Variants in ABCA7 observed in about 807,000 individuals in gnomAD.
ABCA7 encodes ATP binding cassette subfamily A member 7, also known as phospholipid-transporting ATPase ABCA7.
Under a neutral mutation model 227.6 loss-of-function variants are expected in ABCA7, and 261 were observed. That is an observed-to-expected ratio of 1.15 (90% CI 1.04 to 1.27). The LOEUF (loss-of-function observed/expected upper bound fraction) is 1.27, where lower values mean the gene tolerates loss of function less well. ABCA7 is among the 50% of genes most tolerant of loss of function. ABCA7 has a pLI of 0.00. For synonymous variants in ABCA7, 1,488 were observed against 1,279.7 expected (o/e 1.16, Z -3.47); for missense variants, 3,331 against 2,924.5 (o/e 1.14, Z -3.21).
At position 1,048,941 on chromosome 19, in the gene ABCA7, C is replaced by T. The variant is rs1019088929; in HGVS notation, c.2316C>T (p.Ser772=). The T allele has an allele frequency of 3.1e-6, 5 of 1,609,976 alleles. No individual in the cohort carries two copies. The highest frequency in any genetic ancestry group is 1.7e-4 in the Middle Eastern group (1 of 5,974). Residue 772 remains serine, a synonymous_variant, in exon 17 of 47, where the codon AGC becomes AGT. Transcript: ENST00000263094. Reference sequence around the variant, plus strand: ...CATGGAATTTTCCTTTTCGGAGGAGCTACTGGTGCGGACCTCGGCCCCCCA... The same window carrying T: ...CATGGAATTTTCCTTTTCGGAGGAGTTACTGGTGCGGACCTCGGCCCCCCA... ...PEPWNFPFRR[S]YWCGPRPPKS...
Position 1,063,837 on chromosome 19 carries a change from C to A in ABCA7, c.5925C>A (p.Gly1975=). ...GCCTTTTGGCCGTGGTGCGGGAGGG[C>A]CGTTCAGTGATGCTCACCTCCCATA... The part of the protein sequence containing the change: ...WNSLLAVVRE[G]RSVMLTSHSM... Residue 1975 remains glycine, a synonymous_variant, in exon 44 of 47, where the codon GGC becomes GGA. Coordinates refer to ENST00000263094, the MANE Select transcript of ABCA7 (RefSeq NM_019112.4). 6.5e-7 allele frequency: 1 copy of A among 1,541,280 alleles called. No individual in the cohort carries two copies. The highest frequency in any genetic ancestry group is 8.7e-7 in the Non-Finnish European group (1 of 1,144,298).
intron 18 of ABCA7, among the ~76,000 whole-genome samples, chr19:1,050,360 C>T (rs1178262227): frequency 6.7e-6 from 1 of 148,932 alleles, no homozygotes; most frequent in Non-Finnish European, 1.5e-5. Context: ...TGCAGTGAGC[C>T]GAGACTGTGC....
chr19:1,048,342 A>G (rs1204851254), intron 16 of ABCA7, among the ~76,000 whole-genome samples: 1 of 151,466 alleles, frequency 6.6e-6, no homozygotes, highest in East Asian at 1.9e-4. Flanking sequence ...TACTAAAAAT[A>G]CAAAATTAGC....
At chr19:1,049,239 A>G (rs766267390) in intron 17 of ABCA7, 27 bp from the exon 18 acceptor site, 30 of 1,572,704 alleles carry the variant, frequency 1.9e-5, no homozygotes, top group East Asian at 2.3e-5. Context: ...CATGACCTCC[A>G]TGGCTGAGTC....
At position 1,044,568 on chromosome 19, in the gene ABCA7, G is replaced by A. The variant is rs779677941; in HGVS notation, c.1048-9G>A. ...GACCCAGACTCTCACTTTCACCTGC[G>A]CCCCCCAGCGGCTCCTGCAGATGCA... On this transcript the variant is annotated splice_polypyrimidine_tract_variant and intron_variant, in intron 10 of 46. Coordinates refer to ENST00000263094, the MANE Select transcript of ABCA7 (RefSeq NM_019112.4). The A allele has an allele frequency of 1.2e-6, 2 of 1,608,314 alleles. No individual in the cohort carries two copies. The highest frequency in any genetic ancestry group is 1.7e-6 in the Non-Finnish European group (2 of 1,177,294).
Position 1,058,938 on chromosome 19 carries a change from A to C in ABCA7, c.5398A>C (p.Lys1800Gln). ...TGTGTTGGTGCTGAGGAACTTGACC[A>C]AGGTAGGTGTGGTCAGGTCGACTGC... ...GDVLVLRNLT[K>Q]VYRGQRMPAV... is the part of the protein sequence containing the mutation. The change falls in exon 39 of 47, where the codon AAG becomes CAG. Residue 1800 changes from lysine to glutamine, a missense_variant and splice_region_variant. Coordinates refer to ENST00000263094, the MANE Select transcript of ABCA7 (RefSeq NM_019112.4). 6.2e-7 allele frequency: 1 copy of C among 1,604,228 alleles called. No homozygotes were observed. Among genetic ancestry groups the C allele is most frequent in the Admixed American group, 1.7e-5 (1 of 59,696 alleles).
At position 1,057,350 on chromosome 19, in the gene ABCA7, A is replaced by T. The variant is rs1197446582; in HGVS notation, c.4801A>T (p.Ile1601Phe). Residue 1601 changes from isoleucine to phenylalanine, a missense_variant, in exon 35 of 47, where the codon ATC (isoleucine) becomes TTC (phenylalanine). By Grantham distance (21) the Ile-to-Phe change is conservative (BLOSUM62 0). Coordinates refer to ENST00000263094, the MANE Select transcript of ABCA7 (RefSeq NM_019112.4). ...YLVPACIVVL[I>F]FLAFQQRAYV... ...GGTGCCAGCATGCATCGTGGTGCTC[A>T]TCTTTCTGGCCTTCCAGCAGAGGGC... 1.2e-6 allele frequency: 2 copies of T among 1,613,920 alleles called. No homozygotes were observed. Among genetic ancestry groups the T allele is most frequent in the Admixed American group, 3.3e-5 (2 of 60,012 alleles).
rs1465727009 is a variant in ABCA7, at chr19:1,054,120, T to C, written c.3577+10T>C. On this transcript the variant is annotated intron_variant, in intron 26 of 46. Transcript: ENST00000263094. This position sits in a 1 kb window ranked among gnomAD's most constrained non-coding sequence, Gnocchi z 4.8. ...GAGAACGGGGAACCAGGTAAGTCCT[T>C]CCCAGTGGCCCTGGGGTCCTCCCAG... 1 of 1,612,928 alleles carries C rather than the reference T, an allele frequency of 6.2e-7. No individual in the cohort carries two copies. The highest frequency in any genetic ancestry group is 8.5e-7 in the Non-Finnish European group (1 of 1,179,872).
In ABCA7 at chr19:1,059,053, G is replaced by T; in HGVS notation, c.5431G>T (p.Asp1811Tyr). 1.2e-6 allele frequency: 2 copies of T among 1,613,732 alleles called. No individual in the cohort carries two copies. Among genetic ancestry groups the T allele is most frequent in the Non-Finnish European group, 1.7e-6 (2 of 1,179,962 alleles). Reference sequence around the variant, plus strand: ...CCGTGGGCAGAGGATGCCAGCTGTTGACCGCTTGTGCCTGGGGATTCCCCC... The same window carrying T: ...CCGTGGGCAGAGGATGCCAGCTGTTTACCGCTTGTGCCTGGGGATTCCCCC... ...VYRGQRMPAV[D>Y]RLCLGIPPGE... Residue 1811 changes from aspartate (D) to tyrosine (Y), a missense_variant, in exon 40 of 47, where the codon GAC (aspartate) becomes TAC (tyrosine). Coordinates refer to ENST00000263094, the MANE Select transcript of ABCA7 (RefSeq NM_019112.4).
rs764885054 is a variant in ABCA7 at position 1,065,093 on chromosome 19, C to T, written c.6207C>T (p.Arg2069=). Residue 2069 remains arginine (R), a synonymous_variant, in exon 46 of 47, where the codon CGC becomes CGT. Coordinates refer to ENST00000263094, the MANE Select transcript of ABCA7 (RefSeq NM_019112.4). Reference sequence around the variant, plus strand: ...CGGGAGGGCGCTGCGCCCTGGCGCGCGTCTTTGGAGAGCTGGCGGTGCACG... The same window carrying T: ...CGGGAGGGCGCTGCGCCCTGGCGCGTGTCTTTGGAGAGCTGGCGGTGCACG... The part of the protein sequence containing the change: ...LPPGGRCALA[R]VFGELAVHGA... 6 of 1,578,720 alleles carry T rather than the reference C, an allele frequency of 3.8e-6. No homozygotes were observed. The South Asian group carries it at 5.7e-5, about 15-fold the overall frequency.
At chr19:1,044,974 G>T (rs2144708446) in intron 11 of ABCA7, 28 bp from the exon 12 acceptor site, 1 of 1,608,556 alleles carries the variant, frequency 6.2e-7, no homozygotes, top group Non-Finnish European at 8.5e-7. Flanking sequence ...GGACCCCAGC[G>T]CCTAGGACTC....
rs4147935 is a variant in ABCA7, at chr19:1,065,045, C to T, written c.6159C>T (p.Gly2053=). The change falls in exon 46 of 47, where the codon GGC becomes GGT. Residue 2053 remains glycine (G), a synonymous_variant. Coordinates refer to ENST00000263094, the MANE Select transcript of ABCA7 (RefSeq NM_019112.4). ...CGGAGCTGCGCGAGGCACATGGAGG[C>T]CGCCTGCGCTTCCAGCTGCCGCCGG... is the stretch of plus-strand genomic sequence containing the variant. ...PGAELREAHG[G]RLRFQLPPGG... The T allele has an allele frequency of 0.35, 538,086 of 1,556,442 alleles. 98,759 individuals carry two copies. The highest frequency in any genetic ancestry group is 0.41 in the Middle Eastern group (2,426 of 5,946).
Position 1,056,517 on chromosome 19 carries a change from G to C in ABCA7, c.4586+18G>C, listed in dbSNP as rs1240570558. The C allele has an allele frequency of 6.2e-6, 10 of 1,604,008 alleles. No homozygotes were observed. The highest frequency in any genetic ancestry group is 1.1e-5 in the South Asian group (1 of 90,468). ...GGTGCACTGTGAGTCCCTCCACCCTGCATGTCCTACCCTGCACGTCCTACC... is the reference window on the plus strand; with the variant it reads ...GGTGCACTGTGAGTCCCTCCACCCTCCATGTCCTACCCTGCACGTCCTACC... On this transcript the variant is annotated intron_variant, in intron 33 of 46. Coordinates refer to ENST00000263094, the MANE Select transcript of ABCA7 (RefSeq NM_019112.4). This position sits in a 1 kb window ranked among gnomAD's most constrained non-coding sequence, Gnocchi z 4.3.
In ABCA7 at chr19:1,056,240, C is replaced by A; in HGVS notation, c.4413C>A (p.Leu1471=). The part of the protein sequence containing the change: ...WAHSLDAQDS[L]KIWFNNKGWH... ...ACAGCCTGGATGCTCAGGACAGTCT[C>A]AAGGTGGGAACTGGGGGGGCAGGTG... Residue 1471 remains leucine, a synonymous_variant, in exon 32 of 47, where the codon CTC becomes CTA. Coordinates refer to ENST00000263094, the MANE Select transcript of ABCA7 (RefSeq NM_019112.4). The surrounding 1 kb of genome is among the most constrained non-coding windows in gnomAD (Gnocchi z 4.3). The A allele has an allele frequency of 6.3e-7, 1 of 1,593,164 alleles. No homozygotes were observed. Among genetic ancestry groups the A allele is most frequent in the Non-Finnish European group, 8.6e-7 (1 of 1,169,038 alleles).
rs993256685 is a variant in ABCA7 at position 1,065,299 on chromosome 19, G to A, written c.6315G>A (p.Gly2105=). 3.1e-6 allele frequency: 5 copies of A among 1,613,546 alleles called. No individual in the cohort carries two copies. Among genetic ancestry groups the A allele is most frequent in the Admixed American group, 1.7e-5 (1 of 60,022 alleles). ...TCTTGTACTTCTCCAAGGACCAGGG[G>A]AAGGACGAGGACACCGAAGAGCAGA... ...EVFLYFSKDQ[G]KDEDTEEQKE... Residue 2105 remains glycine, a synonymous_variant, in exon 47 of 47, where the codon GGG becomes GGA. Coordinates refer to ENST00000263094, the MANE Select transcript of ABCA7 (RefSeq NM_019112.4).
At chr19:1,045,293 G>C (rs1423952278) in intron 12 of ABCA7, 62 bp downstream of exon 12, 3 of 1,436,710 alleles carry the variant, frequency 2.1e-6, no homozygotes, top group Non-Finnish European at 2.8e-6. Context: ...GTGGTGGGTG[G>C]GGCCAGGCAG....
Position 1,051,719 on chromosome 19 carries a change from A to C in ABCA7, c.2962+133A>C. On this transcript the variant is annotated intron_variant, in intron 21 of 46. Transcript: ENST00000263094. ...CTTGTTGCTATGGCATTTAGGGGCT[A>C]CTGCTCAAATACCGAGACAGTAAGA... 6 of 1,057,986 alleles carry C rather than the reference A, an allele frequency of 5.7e-6. No homozygotes were observed. The South Asian group carries it at 6.2e-5, about 11-fold the overall frequency. 65.5% of individuals were successfully genotyped at this position (1,057,986 alleles called of 1,614,324 possible). A position where few individuals can be genotyped will look rare whatever the true frequency, so the allele number is the denominator to read the frequency against.
intron 37 of ABCA7, 76 bp from the exon 38 acceptor site, chr19:1,058,542 C>A: frequency 6.3e-7 from 1 of 1,584,686 alleles, no homozygotes; most frequent in Admixed American, 2.0e-5. Context: ...CCTTAAGAAT[C>A]CAGAGTGACA....
In ABCA7 at chr19:1,048,591, C is replaced by T. The variant is rs543296238; in HGVS notation, c.2270-304C>T. 6.6e-5 allele frequency among the ~76,000 whole-genome samples: 10 copies of T among 150,516 alleles called. No individual in the cohort carries two copies. In the East Asian group the frequency reaches 1.8e-3, roughly 27 times the overall value. On this transcript the variant is annotated intron_variant, in intron 16 of 46. Coordinates refer to ENST00000263094, the MANE Select transcript of ABCA7 (RefSeq NM_019112.4). ...TTGGGAGGCCGAGGTGGGCAGATCA[C>T]GAGGTCAGGAGATGGAGACCATCCT...
Sources: gnomAD v4.1 joint callset for allele counts (sites outside exome capture counted in the v4.1 genomes callset) on GRCh38, gnomAD v4.1.1 for gene constraint, Gnocchi (gnomAD v3.1) non-coding constraint, MANE v1.5 for transcripts, NCBI Gene and HGNC (gene_info 2026-07-23, HGNC 2026-07-21) for gene names.